Variants in KIF18A observed in about 807,000 individuals in gnomAD.
KIF18A encodes kinesin family member 18A.
Under a neutral mutation model 103.3 loss-of-function variants are expected in KIF18A, and 67 were observed. The ratio of observed to expected loss-of-function variants is 0.65; its 90% CI spans 0.53 to 0.79. The LOEUF (loss-of-function observed/expected upper bound fraction) is 0.79. Among genes scored for constraint, KIF18A ranks in the 30% least tolerant of loss-of-function variants. The pLI, the probability that KIF18A is intolerant of heterozygous loss-of-function variation, is 0.00. For missense variants in KIF18A, 1,032 were observed against 1,062.5 expected (o/e 0.97, Z 0.40); for synonymous variants, 367 against 355.5 (o/e 1.03, Z -0.36).
chr11:28,088,793 A>G, intron 5 of KIF18A, 72 bp from the exon 6 acceptor site: 1 of 1,125,788 alleles, frequency 8.9e-7, no homozygotes, highest in Non-Finnish European at 1.3e-6. Context: ...TATATACTTT[A>G]ATAGAGCACA....
chr11:28,069,398 A>C lies in KIF18A; in HGVS notation c.1451T>G (p.Leu484Arg). 1 of 1,613,476 alleles carries C rather than the reference A, an allele frequency of 6.2e-7. No homozygotes were observed. The highest frequency in any genetic ancestry group is 8.5e-7 in the Non-Finnish European group (1 of 1,179,740). ...GGAGCGACGAGTTTTCAACATTGCA[A>C]GTCTATGATCTCGTTTTCCAGTGGC... ...EKATGKRDHR[L>R]AMLKTRRSYL... Residue 484 changes from leucine to arginine, a missense_variant, in exon 11 of 17, where the codon CTT (leucine) becomes CGT (arginine). By Grantham distance (102) the Leu-to-Arg change is moderately radical. Transcript: ENST00000263181.
chr11:28,096,173 CAAAAA>C (rs1156735166), intron 2 of KIF18A, among the ~76,000 whole-genome samples: 1 of 49,694 alleles, frequency 2.0e-5, no homozygotes, highest in African/African-American at 8.9e-5. Context: ...AAGACTTCAT[CAAAAA>C]AAAAAAAAAA....
chr11:28,088,840 C>A (rs181744360), intron 5 of KIF18A, 119 bp from the exon 6 acceptor site: 1 of 762,542 alleles, frequency 1.3e-6, no homozygotes, highest in Non-Finnish European at 2.2e-6. Flanking sequence ...AACAACTGAA[C>A]AAGGTATAAT....
intron 2 of KIF18A, 184 bp downstream of exon 2, chr11:28,097,439 A>C: frequency 1.7e-6 from 1 of 583,344 alleles, no homozygotes; most frequent in Non-Finnish European, 3.0e-6. Flanking sequence ...ATGATGTATA[A>C]GTTATATATG....
At position 28,036,422 on chromosome 11, in the gene KIF18A, T is replaced by C. The variant is rs1424303523; in HGVS notation, c.2191A>G (p.Ser731Gly). 4 of 1,611,012 alleles carry C rather than the reference T, an allele frequency of 2.5e-6. No homozygotes were observed. Among genetic ancestry groups the C allele is most frequent in the East Asian group, 2.2e-5 (1 of 44,764 alleles). Residue 731 changes from serine to glycine, a missense_variant, in exon 14 of 17, where the codon AGT becomes GGT. Coordinates refer to ENST00000263181, the MANE Select transcript of KIF18A (RefSeq NM_031217.4). ...ATGTTTGAGCTGATAGCCTGAAAACTTGTAGTAAATGATGATGGTTTCATT... is the reference window on the plus strand; with the variant it reads ...ATGTTTGAGCTGATAGCCTGAAAACCTGTAGTAAATGATGATGGTTTCATT... ...TLMKPSSFTT[S>G]FQAISSNINS...
At chr11:28,039,130 A>T (rs930990843) in intron 13 of KIF18A, among the ~76,000 whole-genome samples, 3 of 151,704 alleles carry the variant, frequency 2.0e-5, no homozygotes, top group African/African-American at 7.2e-5. Flanking sequence ...CCTAGAAAAA[A>T]GCGGATATTA....
chr11:28,077,315 T>TC, intron 9 of KIF18A, 146 bp from the exon 10 acceptor site: 1 of 510,952 alleles, frequency 2.0e-6, no homozygotes, highest in Non-Finnish European at 3.3e-6. Flanking sequence ...TAAAAATGAC[T>TC]ATTTCCTATT....
intron 13 of KIF18A, 145 bp from the exon 14 acceptor site, chr11:28,036,809 A>T (rs1291261507): frequency 3.9e-6 from 2 of 516,910 alleles, no homozygotes; most frequent in Non-Finnish European, 6.6e-6. Context: ...TTGGAAAGGA[A>T]AATATCACGG....
At chr11:28,057,330 A>G (rs1230060324) in intron 13 of KIF18A, among the ~76,000 whole-genome samples, 2 of 152,136 alleles carry the variant, frequency 1.3e-5, no homozygotes, top group Non-Finnish European at 2.9e-5. Flanking sequence ...CCTGGCTAAC[A>G]TGGTGAAACT....
At chr11:28,049,285 T>C (rs1180317740) in intron 13 of KIF18A, among the ~76,000 whole-genome samples, 2 of 152,034 alleles carry the variant, frequency 1.3e-5, no homozygotes, top group Non-Finnish European at 2.9e-5. Context: ...TGGAAATATT[T>C]CACAGATGGT....
At chr11:28,046,749 A>AC (rs1850640741) in intron 13 of KIF18A, among the ~76,000 whole-genome samples, 2 of 150,458 alleles carry the variant, frequency 1.3e-5, no homozygotes, top group Admixed American at 1.3e-4. Context: ...GAAAAAAAAA[A>AC]AAAGAAATAT....
chr11:28,088,771 T>A, intron 5 of KIF18A, 50 bp from the exon 6 acceptor site: 1 of 1,414,822 alleles, frequency 7.1e-7, no homozygotes, highest in Non-Finnish European at 9.8e-7. Flanking sequence ...TTTAACAAAA[T>A]TAAAAGGGAA....
intron 11 of KIF18A, among the ~76,000 whole-genome samples, chr11:28,068,309 T>C (rs1308458992): frequency 1.3e-5 from 2 of 151,636 alleles, no homozygotes; most frequent in East Asian, 1.9e-4. Flanking sequence ...TTAGGACAAA[T>C]ACCTAATGCA....
At chr11:28,056,695 A>G (rs1457568176) in intron 13 of KIF18A, 1 of 163,106 alleles carries the variant, frequency 6.1e-6, no homozygotes, top group Non-Finnish European at 1.5e-5. Flanking sequence ...AAATATTTCA[A>G]TAAGCCAGAA....
intron 13 of KIF18A, among the ~76,000 whole-genome samples, chr11:28,044,689 C>A (rs1445895196): frequency 1.3e-5 from 2 of 151,950 alleles, no homozygotes; most frequent in Admixed American, 6.6e-5. Context: ...GTTTTAGAAG[C>A]CTCTCAAAAG....
At chr11:28,088,085 T>TA (rs1002268922) in intron 6 of KIF18A, among the ~76,000 whole-genome samples, 6 of 150,680 alleles carry the variant, frequency 4.0e-5, no homozygotes, top group Middle Eastern at 3.4e-3. Context: ...AAACCCCCCT[T>TA]AAAAAAAAAT....
chr11:28,096,008 CAAA>C (rs752176368), intron 2 of KIF18A, among the ~76,000 whole-genome samples: 1 of 73,748 alleles, frequency 1.4e-5, no homozygotes. Flanking sequence ...AAGACTTCAT[CAAA>C]AAAAAAAAAA....
chr11:28,023,270 A>T (rs943987956), intron 16 of KIF18A, among the ~76,000 whole-genome samples: 1 of 152,166 alleles, frequency 6.6e-6, no homozygotes. Context: ...CAACTTGCCA[A>T]TGGGAGTTAC....
chr11:28,075,432 G>A (rs1043277886), intron 10 of KIF18A, among the ~76,000 whole-genome samples: 1 of 152,114 alleles, frequency 6.6e-6, no homozygotes, highest in African/African-American at 2.4e-5. Flanking sequence ...GAATTAAAAA[G>A]AGTCAATATA....
Sources: allele counts gnomAD v4.1 joint callset (sites outside exome capture counted in the v4.1 genomes callset), GRCh38; gene constraint gnomAD v4.1.1; transcripts MANE v1.5; gene names NCBI Gene and HGNC (gene_info 2026-07-23, HGNC 2026-07-21).